Variants in CCDC30 observed in about 807,000 individuals in gnomAD.
CCDC30 encodes coiled-coil domain containing 30.
CCDC30 carries 70 observed loss-of-function variants against 100.2 expected under a neutral mutation model. The ratio of observed to expected loss-of-function variants is 0.70; its 90% CI spans 0.58 to 0.85. CCDC30 has a LOEUF of 0.85. Ranked by LOEUF, CCDC30 falls within the 40% of genes least tolerant of loss-of-function variation. The pLI, the probability that CCDC30 is intolerant of heterozygous loss-of-function variation, is 0.00. For synonymous variants in CCDC30, 233 were observed against 269.5 expected (o/e 0.86, Z 1.33); for missense variants, 652 against 771.2 (o/e 0.85, Z 1.83).
At chr1:42,574,550 C>T (rs1193181910) in intron 7 of CCDC30, among the ~76,000 whole-genome samples, 1 of 152,048 alleles carries the variant, frequency 6.6e-6, no homozygotes, top group East Asian at 1.9e-4. Flanking sequence ...GAAGTTTATT[C>T]ATTTTATTAG....
intron 9 of CCDC30, among the ~76,000 whole-genome samples, chr1:42,584,992 A>G (rs941518288): frequency 3.9e-5 from 6 of 152,200 alleles, no homozygotes; most frequent in African/African-American, 1.2e-4. Context: ...AATGTTTGGT[A>G]GAATTCACCA....
At chr1:42,532,256 C>T (rs1644817495) in intron 6 of CCDC30, among the ~76,000 whole-genome samples, 1 of 152,186 alleles carries the variant, frequency 6.6e-6, no homozygotes, top group Non-Finnish European at 1.5e-5. Context: ...GAGAAATCTC[C>T]ACTTCTGGGA....
chr1:42,638,588 A>G (rs1647207708), intron 12 of CCDC30, among the ~76,000 whole-genome samples: 1 of 151,104 alleles, frequency 6.6e-6, no homozygotes, highest in Non-Finnish European at 1.5e-5. Context: ...AAAAGAAAAG[A>G]AGAGGCAGGG....
intron 6 of CCDC30, among the ~76,000 whole-genome samples, chr1:42,541,816 G>A (rs1319685073): frequency 1.3e-5 from 2 of 152,198 alleles, no homozygotes; most frequent in Non-Finnish European, 2.9e-5. Flanking sequence ...TGCTAAAGAA[G>A]CTGTATGTAT....
At position 42,551,524 on chromosome 1, in the gene CCDC30, G is replaced by A. The variant is rs565911849; in HGVS notation, c.457-14772G>A. On this transcript the variant is annotated intron_variant, in intron 6 of 16. Transcript: ENST00000668663. ...GTTTTCCGGTTTTTAAGATGCAGAC[G>A]TGCTGGCTATAGGACATGTTCTCAA... Among the ~76,000 whole-genome samples the A allele has an allele frequency of 3.9e-5, 6 of 152,168 alleles. No individual in the cohort carries two copies. In the South Asian group the frequency reaches 1.0e-3, roughly 26 times the overall value.
chr1:42,568,471 G>A (rs16829714), intron 7 of CCDC30, among the ~76,000 whole-genome samples: 19,682 of 152,158 alleles, frequency 0.13, 1,456 homozygotes, highest in East Asian at 0.17. Flanking sequence ...GCACTTTATG[G>A]ATGAGGAAAC....
At chr1:42,547,645 A>G (rs1050988419) in intron 6 of CCDC30, among the ~76,000 whole-genome samples, 11 of 152,092 alleles carry the variant, frequency 7.2e-5, no homozygotes, top group African/African-American at 2.7e-4. Context: ...TGCTTCCCAT[A>G]ACTGGGACTC....
chr1:42,627,419 A>C (rs2148664586), intron 11 of CCDC30, among the ~76,000 whole-genome samples: 1 of 152,246 alleles, frequency 6.6e-6, no homozygotes, highest in Admixed American at 6.5e-5. Context: ...AGAAAAGAAA[A>C]CCCCATTTTT....
intron 11 of CCDC30, among the ~76,000 whole-genome samples, chr1:42,630,671 C>T (rs778837995): frequency 6.6e-5 from 10 of 152,038 alleles, no homozygotes; most frequent in East Asian, 1.9e-4. Context: ...CGTGAGCCAC[C>T]GCACCTGGCC....
At chr1:42,546,308 C>T (rs553385654) in intron 6 of CCDC30, among the ~76,000 whole-genome samples, 1 of 148,546 alleles carries the variant, frequency 6.7e-6, no homozygotes, top group Admixed American at 6.7e-5. Context: ...TCACTTGAAC[C>T]CAGAAGGTGG....
chr1:42,569,364 A>T lies in CCDC30; in HGVS notation c.636+2889A>T, dbSNP rs943481321. On this transcript the variant is annotated intron_variant, in intron 7 of 16. Transcript: ENST00000668663. ...AAGAAGACATTTATGCAGCCAGCAA[A>T]CATATGAAAAAAAGCTCATCATCGC... 3.3e-5 allele frequency among the ~76,000 whole-genome samples: 5 copies of T among 152,242 alleles called. No individual in the cohort carries two copies. In the East Asian group the frequency reaches 9.6e-4, roughly 29 times the overall value.
chr1:42,499,534 G>A (rs546453389), intron 6 of CCDC30, among the ~76,000 whole-genome samples: 30 of 152,088 alleles, frequency 2.0e-4, no homozygotes, highest in African/African-American at 6.5e-4. Flanking sequence ...GGAGTACAGG[G>A]GTGCAGTCCT....
At chr1:42,638,442 C>A (rs557580099) in intron 12 of CCDC30, among the ~76,000 whole-genome samples, 91 of 151,674 alleles carry the variant, frequency 6.0e-4, no homozygotes, top group South Asian at 1.0e-3. Context: ...TGCAGTCCTC[C>A]TTTTTTTGCC....
At chr1:42,546,463 A>G (rs1224900821) in intron 6 of CCDC30, among the ~76,000 whole-genome samples, 1 of 140,168 alleles carries the variant, frequency 7.1e-6, no homozygotes, top group Non-Finnish European at 1.6e-5. Flanking sequence ...AAAAGGATAT[A>G]TATATATCCT....
intron 10 of CCDC30, 47 bp downstream of exon 14, chr1:42,589,530 G>A: frequency 6.6e-7 from 1 of 1,518,674 alleles, no homozygotes; most frequent in Non-Finnish European, 9.1e-7. Context: ...ATTCCCATTA[G>A]TAACAGCTAA....
At position 42,532,639 on chromosome 1, in the gene CCDC30, AG is replaced by A. The variant is rs1414780062; in HGVS notation, c.457-33655del. On this transcript the variant is annotated intron_variant, in intron 6 of 16. Transcript: ENST00000668663. ...GTTAGAAATAGACCTTGGAGTTGTAAGGAAAATGAGCACTTAGATAAAGGAT... is the reference window on the plus strand; with the variant it reads ...GTTAGAAATAGACCTTGGAGTTGTAAGAAAATGAGCACTTAGATAAAGGAT... 9.2e-5 allele frequency among the ~76,000 whole-genome samples: 14 copies of A among 152,370 alleles called. 1 individual carries two copies. Among genetic ancestry groups the A allele is most frequent in the African/African-American group, 3.4e-4 (14 of 41,588 alleles).
chr1:42,510,921 T>A (rs1009726377), intron 6 of CCDC30, among the ~76,000 whole-genome samples: 1 of 151,966 alleles, frequency 6.6e-6, no homozygotes, highest in Non-Finnish European at 1.5e-5. Context: ...AAGGCCATGC[T>A]CTTGTGTAAA....
intron 6 of CCDC30, among the ~76,000 whole-genome samples, chr1:42,554,785 G>T (rs1358624381): frequency 6.6e-6 from 1 of 152,058 alleles, no homozygotes; most frequent in African/African-American, 2.4e-5. Context: ...CTTGGTTTCT[G>T]TGGCTTTCAC....
At chr1:42,479,092 T>C (rs1267826766) in intron 1 of CCDC30, among the ~76,000 whole-genome samples, 3 of 152,254 alleles carry the variant, frequency 2.0e-5, no homozygotes, top group African/African-American at 7.2e-5. Context: ...AATATATTCT[T>C]GGGCTGGACG....
Sources: gnomAD v4.1 joint callset for allele counts (sites outside exome capture counted in the v4.1 genomes callset) on GRCh38, gnomAD v4.1.1 for gene constraint, MANE v1.5 for transcripts, NCBI Gene and HGNC (gene_info 2026-07-23, HGNC 2026-07-21) for gene names.